The following FPR3 variants were observed in gnomAD, a reference collection of about 807,000 sequenced individuals.
The protein encoded by FPR3 is formyl peptide receptor 3, also known as N-formyl peptide receptor 3.
For synonymous variants in FPR3, 135 were observed against 163.6 expected, an observed-to-expected ratio of 0.83 and a Z score of 1.34; for missense variants, 346 against 443.2, an observed-to-expected ratio of 0.78 and a Z score of 1.97.
At chr19:51,796,911 A>T (rs55999853) in intron 1 of FPR3, among the ~76,000 whole-genome samples, 7,665 of 152,288 alleles carry the variant, frequency 0.05, 222 homozygotes, top group Middle Eastern at 0.068. Context: ...ATAATGGTTT[A>T]ATCCCAGAGA....
chr19:51,821,430 C>T (rs553560843), intron 1 of FPR3, among the ~76,000 whole-genome samples: 45 of 152,222 alleles, frequency 3.0e-4, no homozygotes, highest in African/African-American at 1.1e-3. Flanking sequence ...TGGATAGAGG[C>T]CAGGGGTGTT....
chr19:51,816,528 G>A (rs546255648), intron 1 of FPR3, among the ~76,000 whole-genome samples: 3 of 152,324 alleles, frequency 2.0e-5, no homozygotes, highest in East Asian at 3.9e-4. Context: ...GATTACTGGC[G>A]TGAACCACCA....
At chr19:51,808,651 G>C (rs1043969482) in intron 1 of FPR3, among the ~76,000 whole-genome samples, 9 of 152,182 alleles carry the variant, frequency 5.9e-5, no homozygotes, top group Non-Finnish European at 1.0e-4. Flanking sequence ...TCGTGTAAGG[G>C]TGTAGTAAAG....
chr19:51,808,951 A>G (rs375268972), intron 1 of FPR3, among the ~76,000 whole-genome samples: 5 of 152,356 alleles, frequency 3.3e-5, no homozygotes, highest in Middle Eastern at 3.4e-3. Context: ...GAGCCATTCT[A>G]ATAGTGAGGC....
intron 1 of FPR3, among the ~76,000 whole-genome samples, chr19:51,821,732 G>T (rs2084191232): frequency 6.6e-6 from 1 of 151,548 alleles, no homozygotes; most frequent in Non-Finnish European, 1.5e-5. Flanking sequence ...TGCTCATCCT[G>T]AATTTCAAAT....
chr19:51,795,504 C>CTTTTTTTTTTTTTTTTTTT lies in FPR3; in HGVS notation c.-11+184_-11+202dup, dbSNP rs58620565. 4.4e-4 allele frequency among the ~76,000 whole-genome samples: 33 copies of CTTTTTTTTTTTTTTTTTTT among 74,738 alleles called. 8 individuals are homozygous for CTTTTTTTTTTTTTTTTTTT. Among genetic ancestry groups the CTTTTTTTTTTTTTTTTTTT allele is most frequent in the East Asian group, 1.1e-3 (2 of 1,814 alleles). The allele number at this position is 74,738 out of a possible 152,430, so 49.0% of individuals were successfully genotyped here. On this transcript the variant is annotated intron_variant, in intron 1 of 1. Transcript: ENST00000339223. ...TTTGGTTACATGTTCCAGTAACATT[C>CTTTTTTTTTTTTTTTTTTT]TTTTTTTTTTTTTTTTTTTTTTTTT... is the stretch of plus-strand genomic sequence containing the variant.
chr19:51,813,119 AACACACACACAC>A lies in FPR3; in HGVS notation c.-10-10589_-10-10578del, dbSNP rs35245083. Among the ~76,000 whole-genome samples the A allele has an allele frequency of 6.7e-3, 914 of 137,206 alleles. 9 individuals are homozygous for A. The highest frequency in any genetic ancestry group is 0.021 in the African/African-American group (776 of 37,360). 90.0% of individuals were successfully genotyped at this position (137,206 alleles called of 152,430 possible). ...GGGTGACAGAGTGATGCTCTGTCTC[AACACACACACAC>A]ACACACACACACACACACACACACA... On this transcript the variant is annotated intron_variant, in intron 1 of 1. Transcript: ENST00000339223.
At position 51,824,599 on chromosome 19, in the gene FPR3, T is replaced by C. The variant is rs769133675; in HGVS notation, c.851T>C (p.Ile284Thr). The change falls in exon 2 of 2, where the codon ATT (isoleucine) becomes ACT (threonine). Residue 284 changes from isoleucine (I) to threonine (T), a missense_variant. Coordinates refer to ENST00000339223, the MANE Select transcript of FPR3 (RefSeq NM_002030.5). This position sits in a 1 kb window ranked among gnomAD's most constrained non-coding sequence, Gnocchi z 4.7. ...NGKYKIILVL[I>T]NPTSSLAFFN... is the part of the protein sequence containing the mutation. ...AAATACAAAATCATTCTTGTCCTGATTAACCCAACAAGCTCCTTGGCCTTT... is the reference window on the plus strand; with the variant it reads ...AAATACAAAATCATTCTTGTCCTGACTAACCCAACAAGCTCCTTGGCCTTT... 5.0e-6 allele frequency: 8 copies of C among 1,614,212 alleles called. No individual in the cohort carries two copies. Among genetic ancestry groups the C allele is most frequent in the Non-Finnish European group, 6.8e-6 (8 of 1,180,016 alleles).
At chr19:51,822,785 A>G (rs1291904279) in intron 1 of FPR3, among the ~76,000 whole-genome samples, 1 of 152,208 alleles carries the variant, frequency 6.6e-6, no homozygotes, top group Non-Finnish European at 1.5e-5. Flanking sequence ...AATGAAAAGC[A>G]GACGGGAGAA....
At chr19:51,809,756 T>C (rs990077956) in intron 1 of FPR3, among the ~76,000 whole-genome samples, 1 of 152,204 alleles carries the variant, frequency 6.6e-6, no homozygotes, top group Non-Finnish European at 1.5e-5. Context: ...GATGGGTTTG[T>C]CTGCCCCAAC....
At chr19:51,803,771 T>G (rs1218427039) in intron 1 of FPR3, 1 of 152,176 alleles carries the variant, frequency 6.6e-6, no homozygotes, top group African/African-American at 2.4e-5. Context: ...CTCCCTCTAC[T>G]GCCAGGACAG....
chr19:51,807,176 C>T (rs897472075), intron 1 of FPR3, among the ~76,000 whole-genome samples: 1 of 151,818 alleles, frequency 6.6e-6, no homozygotes, highest in African/African-American at 2.4e-5. Flanking sequence ...GAGCTTTACA[C>T]AGCCCTCCGT....
chr19:51,795,533 T>TTTTTTTTTTTG (rs2083992794), intron 1 of FPR3, among the ~76,000 whole-genome samples: 1 of 126,186 alleles, frequency 7.9e-6, no homozygotes. Flanking sequence ...TTTTTTTTTT[T>TTTTTTTTTTTG]GATGGAGTCT....
chr19:51,823,680 A>G, intron 1 of FPR3, 59 bp from the exon 2 acceptor site: 1 of 1,289,042 alleles, frequency 7.8e-7, no homozygotes, highest in Non-Finnish European at 1.1e-6. Context: ...AAGTTAATGA[A>G]TAGTTGTATT....
At chr19:51,796,111 T>G (rs1396251485) in intron 1 of FPR3, among the ~76,000 whole-genome samples, 8 of 152,212 alleles carry the variant, frequency 5.3e-5, no homozygotes, top group Admixed American at 4.6e-4. Flanking sequence ...GCATTCTGCT[T>G]TGCAGAGTGG....
At chr19:51,814,378 C>T (rs1267997771) in intron 1 of FPR3, among the ~76,000 whole-genome samples, 1 of 152,234 alleles carries the variant, frequency 6.6e-6, no homozygotes, top group African/African-American at 2.4e-5. Context: ...TTGCAGGTCC[C>T]ACAAATTATC....
intron 1 of FPR3, among the ~76,000 whole-genome samples, chr19:51,812,903 C>T (rs1193626238): frequency 1.3e-5 from 2 of 152,044 alleles, no homozygotes; most frequent in African/African-American, 2.4e-5. Flanking sequence ...GGTGAATCAC[C>T]TGAGGTTACA....
At chr19:51,818,503 GAACA>G (rs2084161520) in intron 1 of FPR3, among the ~76,000 whole-genome samples, 2 of 152,182 alleles carry the variant, frequency 1.3e-5, no homozygotes, top group African/African-American at 4.8e-5. Context: ...GAAAATAAAT[GAACA>G]AACAAATAAG....
chr19:51,823,460 T>A (rs991606904), intron 1 of FPR3, among the ~76,000 whole-genome samples: 1 of 152,194 alleles, frequency 6.6e-6, no homozygotes, highest in Non-Finnish European at 1.5e-5. Context: ...CCATTGTCCA[T>A]ACACTCTCAG....
Sources: allele counts gnomAD v4.1 joint callset (sites outside exome capture counted in the v4.1 genomes callset), GRCh38; gene constraint gnomAD v4.1.1; non-coding constraint Gnocchi (gnomAD v3.1); transcripts MANE v1.5; gene names NCBI Gene and HGNC (gene_info 2026-07-23, HGNC 2026-07-21).